The following PPP1R15B variants were observed in gnomAD, a reference collection of about 807,000 sequenced individuals.
PPP1R15B encodes protein phosphatase 1, regulatory (inhibitor) subunit 15B.
PPP1R15B carries 31 observed loss-of-function variants against 53.9 expected under a neutral mutation model. That is an observed-to-expected ratio of 0.58 (90% CI 0.43 to 0.78). The LOEUF is 0.78. Ranked by LOEUF, PPP1R15B falls within the 30% of genes least tolerant of loss-of-function variation. The pLI, the probability that PPP1R15B is intolerant of heterozygous loss-of-function variation, is 0.00. For synonymous variants in PPP1R15B, 345 were observed against 329.1 expected, an observed-to-expected ratio of 1.05 and a Z score of -0.52; for missense variants, 928 against 849.6, an observed-to-expected ratio of 1.09 and a Z score of -1.15.
chr1:204,403,898 T>G lies in PPP1R15B; in HGVS notation c.*2194A>C. 1.0e-6 allele frequency: 1 copy of G among 985,644 alleles called. No homozygotes were observed. Among genetic ancestry groups the G allele is most frequent in the Non-Finnish European group, 1.2e-6 (1 of 829,872 alleles). 61.1% of individuals were successfully genotyped at this position (985,644 alleles called of 1,614,324 possible). On this transcript the variant is annotated 3_prime_UTR_variant, in exon 2 of 2. Transcript: ENST00000367188. ...GGCTAGTATATGGAAGAACTCTTAA[T>G]CAAGCTTTCACTCATTTGGTAGTGA...
At chr1:204,407,625 A>C (rs552689569) in intron 1 of PPP1R15B, among the ~76,000 whole-genome samples, 20 of 152,328 alleles carry the variant, frequency 1.3e-4, no homozygotes, top group South Asian at 6.2e-4. Context: ...CTAGTCTTGA[A>C]TACTACTCAT....
rs1357365208 is a variant in PPP1R15B, at chr1:204,410,748, A to T, written c.664T>A (p.Leu222Met). 1 of 1,614,226 alleles carries T rather than the reference A, an allele frequency of 6.2e-7. No individual in the cohort carries two copies. Among genetic ancestry groups the T allele is most frequent in the Admixed American group, 1.7e-5 (1 of 60,028 alleles). ...CAGTCCAGGTAGGAAGGGTTCAGCA[A>T]ATAGGATACCACACTGAAATTGTCT... is the stretch of plus-strand genomic sequence containing the variant. ...RIDNFSVVSY[L>M]LNPSYLDCFP... is the part of the protein sequence containing the mutation. The change falls in exon 1 of 2, where the codon TTG becomes ATG. Residue 222 changes from leucine to methionine, a missense_variant. Transcript: ENST00000367188.
intron 1 of PPP1R15B, 53 bp downstream of exon 1, chr1:204,409,439 G>C (rs928925996): frequency 6.5e-7 from 1 of 1,533,302 alleles, no homozygotes; most frequent in Admixed American, 2.1e-5. Flanking sequence ...CTATATTTAA[G>C]CATATAAAAA....
chr1:204,396,627 CA>C, downstream of PPP1R15B, among the ~76,000 whole-genome samples: 1 of 151,168 alleles, frequency 6.6e-6, no homozygotes, highest in East Asian at 1.9e-4. Context: ...GGACCGAATA[CA>C]AAAGAACATA....
chr1:204,401,053 G>T (rs368946087), downstream of PPP1R15B, among the ~76,000 whole-genome samples: 1 of 152,274 alleles, frequency 6.6e-6, no homozygotes. Context: ...TAAGATTAAG[G>T]CGTCTGCCAG....
downstream of PPP1R15B, among the ~76,000 whole-genome samples, chr1:204,402,140 G>A (rs1044837434): frequency 9.2e-5 from 14 of 152,008 alleles, no homozygotes; most frequent in Admixed American, 2.6e-4. Context: ...ATTATAACCC[G>A]GGGATGTCAA....
Position 204,410,857 on chromosome 1 carries a change from C to G in PPP1R15B, c.555G>C (p.Leu185=). 1.2e-6 allele frequency: 2 copies of G among 1,614,224 alleles called. No homozygotes were observed. The highest frequency in any genetic ancestry group is 8.5e-7 in the Non-Finnish European group (1 of 1,180,042). The part of the protein sequence containing the change: ...LLEQQLWGVE[L]LPSSLQSRLY... ...GACGGGATTGAAGGCTACTGGGCAA[C>G]AGCTCCACTCCCCACAGCTGCTGCT... Residue 185 remains leucine, a synonymous_variant, in exon 1 of 2, where the codon CTG becomes CTC. Transcript: ENST00000367188.
chr1:204,401,590 GA>G (rs549161369), downstream of PPP1R15B, among the ~76,000 whole-genome samples: 3 of 152,160 alleles, frequency 2.0e-5, no homozygotes, highest in African/African-American at 7.2e-5. Flanking sequence ...TGCATTATGA[GA>G]AAAAAATGAA....
chr1:204,409,139 C>T (rs1674313763), intron 1 of PPP1R15B, among the ~76,000 whole-genome samples: 1 of 152,156 alleles, frequency 6.6e-6, no homozygotes, highest in Non-Finnish European at 1.5e-5. Flanking sequence ...CCTTTTCAAT[C>T]TCTAGAAAAA....
chr1:204,401,995 G>T (rs560067268), downstream of PPP1R15B, among the ~76,000 whole-genome samples: 7 of 152,230 alleles, frequency 4.6e-5, no homozygotes, highest in African/African-American at 1.7e-4. Flanking sequence ...AAGTACAAAA[G>T]AAAAATAACA....
Position 204,404,755 on chromosome 1 carries a change from T to G in PPP1R15B, c.*1337A>C, listed in dbSNP as rs994514250. Reference sequence around the variant, plus strand: ...TATTCTACTTATGTTTTCCATTACCTGTGACAGGAAGCACACGGAATGAAA... The same window carrying G: ...TATTCTACTTATGTTTTCCATTACCGGTGACAGGAAGCACACGGAATGAAA... On this transcript the variant is annotated 3_prime_UTR_variant, in exon 2 of 2. Coordinates refer to ENST00000367188, the MANE Select transcript of PPP1R15B (RefSeq NM_032833.5). The G allele has an allele frequency of 3.0e-6, 3 of 985,842 alleles. No individual in the cohort carries two copies. The highest frequency in any genetic ancestry group is 2.3e-4 in the East Asian group (2 of 8,816). The allele number at this position is 985,842 out of a possible 1,614,324, so 61.1% of individuals were successfully genotyped here. A position where few individuals can be genotyped will look rare whatever the true frequency, so the allele number is the denominator to read the frequency against.
In PPP1R15B at chr1:204,405,609, A is replaced by G; in HGVS notation, c.*483T>C. On this transcript the variant is annotated 3_prime_UTR_variant, in exon 2 of 2. Transcript: ENST00000367188. ...TTTTTAGCCTAACATAGACAGGCCA[A>G]ATCATTGAAATAAAAAAAATATAGA... 1 of 981,286 alleles carries G rather than the reference A, an allele frequency of 1.0e-6. No individual in the cohort carries two copies. The highest frequency in any genetic ancestry group is 1.2e-6 in the Non-Finnish European group (1 of 825,976). 60.8% of individuals were successfully genotyped at this position (981,286 alleles called of 1,614,324 possible). A position where few individuals can be genotyped will look rare whatever the true frequency, so the allele number is the denominator to read the frequency against.
In PPP1R15B at chr1:204,405,810, C is replaced by A; in HGVS notation, c.*282G>T. Reference sequence around the variant, plus strand: ...TGCAAAATGACAACTCAAAAAGGTCCCCTTTCCACCTCATGCAGGCAAAGG... The same window carrying A: ...TGCAAAATGACAACTCAAAAAGGTCACCTTTCCACCTCATGCAGGCAAAGG... On this transcript the variant is annotated 3_prime_UTR_variant, in exon 2 of 2. Coordinates refer to ENST00000367188, the MANE Select transcript of PPP1R15B (RefSeq NM_032833.5). The A allele has an allele frequency of 9.0e-7, 1 of 1,106,090 alleles. No homozygotes were observed. 68.5% of individuals were successfully genotyped at this position (1,106,090 alleles called of 1,614,324 possible).
chr1:204,410,463 CA>C lies in PPP1R15B; in HGVS notation c.948del (p.Asp317ThrfsTer49). On this transcript the variant is annotated frameshift_variant, in exon 1 of 2. Coordinates refer to ENST00000367188, the MANE Select transcript of PPP1R15B (RefSeq NM_032833.5). LOFTEE classifies it high-confidence loss of function. ...QASKGQDLPT[P>X]DQDNGYHSLE... ...AGGCTGTGGTAGCCATTATCCTGGT[CA>C]GGGGTGGGTAAATCTTGCCCCTTGC... 6.2e-7 allele frequency: 1 copy of C among 1,614,192 alleles called. No individual in the cohort carries two copies. The highest frequency in any genetic ancestry group is 8.5e-7 in the Non-Finnish European group (1 of 1,180,046).
Position 204,404,192 on chromosome 1 carries a change from A to G in PPP1R15B, c.*1900T>C. On this transcript the variant is annotated 3_prime_UTR_variant, in exon 2 of 2. Coordinates refer to ENST00000367188, the MANE Select transcript of PPP1R15B (RefSeq NM_032833.5). ...AGACCATCCTGTAAATGTGCTCCCT[A>G]TGATTACCTAAAGTGGAGGTGCACA... 2.0e-6 allele frequency: 2 copies of G among 985,392 alleles called. No individual in the cohort carries two copies. Among genetic ancestry groups the G allele is most frequent in the Non-Finnish European group, 2.4e-6 (2 of 829,918 alleles). 61.0% of individuals were successfully genotyped at this position (985,392 alleles called of 1,614,324 possible).
intron 1 of PPP1R15B, among the ~76,000 whole-genome samples, chr1:204,408,331 A>C (rs1432585020): frequency 6.6e-6 from 1 of 152,244 alleles, no homozygotes; most frequent in South Asian, 2.1e-4. Flanking sequence ...GCCCCTTAAA[A>C]GGACAAAGAG....
chr1:204,411,448 G>C lies in PPP1R15B; in HGVS notation c.-37C>G. 6.3e-7 allele frequency: 1 copy of C among 1,583,720 alleles called. No individual in the cohort carries two copies. Among genetic ancestry groups the C allele is most frequent in the Non-Finnish European group, 8.6e-7 (1 of 1,168,954 alleles). On this transcript the variant is annotated 5_prime_UTR_variant, in exon 1 of 2. Transcript: ENST00000367188. ...TGACAGTCTCTCAGGTAGGGCCGCG[G>C]CGCTCAGCGGCTGGAGGTCGACGGG...
chr1:204,400,639 GTA>G, downstream of PPP1R15B: 1 of 532,416 alleles, frequency 1.9e-6, no homozygotes, highest in Non-Finnish European at 2.4e-6. Context: ...CCAATCTTAA[GTA>G]TAAATATTTA....
Position 204,406,241 on chromosome 1 carries a change from A to G in PPP1R15B, c.1993T>C (p.Phe665Leu). Residue 665 changes from phenylalanine to leucine, a missense_variant, in exon 2 of 2, where the codon TTT becomes CTT. By Grantham distance (22) the Phe-to-Leu change is conservative. Coordinates refer to ENST00000367188, the MANE Select transcript of PPP1R15B (RefSeq NM_032833.5). ...DEDRKGPWEE[F>L]ARDGCRFQKR... ...TGGAACCTGCATCCATCCCTTGCAAATTCTTCCCATGGTCCTTTGCGATCC... is the reference window on the plus strand; with the variant it reads ...TGGAACCTGCATCCATCCCTTGCAAGTTCTTCCCATGGTCCTTTGCGATCC... The G allele has an allele frequency of 1.2e-6, 2 of 1,614,100 alleles. No individual in the cohort carries two copies. Among genetic ancestry groups the G allele is most frequent in the Non-Finnish European group, 1.7e-6 (2 of 1,180,014 alleles).
Sources: gnomAD v4.1 joint callset for allele counts (sites outside exome capture counted in the v4.1 genomes callset) on GRCh38, gnomAD v4.1.1 for gene constraint, MANE v1.5 for transcripts, NCBI Gene and HGNC (gene_info 2026-07-23, HGNC 2026-07-21) for gene names.